The following PTPRG variants were observed in gnomAD, a reference collection of about 807,000 sequenced individuals.
PTPRG encodes protein tyrosine phosphatase receptor type G.
Under a neutral mutation model 165.3 loss-of-function variants are expected in PTPRG, and 102 were observed. That is an observed-to-expected ratio of 0.62 (90% CI 0.53 to 0.73). PTPRG has a LOEUF of 0.73. Among genes scored for constraint, PTPRG ranks in the 30% least tolerant of loss-of-function variants. PTPRG has a pLI of 0.00. For missense variants in PTPRG, 1,866 were observed against 1,861.4 expected, an observed-to-expected ratio of 1.00 and a Z score of -0.05; for synonymous variants, 675 against 669.5, an observed-to-expected ratio of 1.01 and a Z score of -0.13.
intron 5 of PTPRG, among the ~76,000 whole-genome samples, chr3:62,112,654 T>C (rs1419118948): frequency 6.6e-6 from 1 of 152,226 alleles, no homozygotes; most frequent in Non-Finnish European, 1.5e-5. Context: ...ACGAGTCCTA[T>C]CTGGGCATTA....
chr3:62,099,358 G>A (rs1388067958), intron 5 of PTPRG, among the ~76,000 whole-genome samples: 6 of 152,078 alleles, frequency 3.9e-5, no homozygotes, highest in African/African-American at 1.4e-4. Context: ...GGTATTTTAG[G>A]CCTGAAAATT....
chr3:62,203,099 A>G lies in PTPRG; in HGVS notation c.1378-74A>G, dbSNP rs951201262. 15 of 1,515,996 alleles carry G rather than the reference A, an allele frequency of 9.9e-6. No homozygotes were observed. Among genetic ancestry groups the G allele is most frequent in the Non-Finnish European group, 1.3e-5 (15 of 1,132,308 alleles). The allele number at this position is 1,515,996 out of a possible 1,614,324, so 93.9% of individuals were successfully genotyped here. On this transcript the variant is annotated intron_variant, in intron 11 of 29. Transcript: ENST00000474889. This position sits in a 1 kb window ranked among gnomAD's most constrained non-coding sequence, Gnocchi z 6.4. ...GGTGACAACCAGGGCCTCATTCCCA[A>G]TCTCAATTACTGATGCTTCTCTGCT...
chr3:62,017,976 C>T (rs922406468), intron 4 of PTPRG, among the ~76,000 whole-genome samples: 2 of 152,146 alleles, frequency 1.3e-5, no homozygotes, highest in African/African-American at 4.8e-5. Context: ...CATTTCTCTG[C>T]AGGTTTGTTC....
intron 2 of PTPRG, among the ~76,000 whole-genome samples, chr3:61,965,114 T>C (rs895181655): frequency 3.3e-5 from 5 of 151,906 alleles, no homozygotes; most frequent in African/African-American, 1.2e-4. Flanking sequence ...CGTGGTGGCA[T>C]GTACCTGTAA....
chr3:61,701,786 A>G (rs1225289708), intron 1 of PTPRG, among the ~76,000 whole-genome samples: 1 of 151,994 alleles, frequency 6.6e-6, no homozygotes, highest in Admixed American at 6.6e-5. Context: ...CATCTGAGCT[A>G]CTCAGGAAGC....
intron 2 of PTPRG, among the ~76,000 whole-genome samples, chr3:61,930,730 T>C (rs114287666): frequency 0.013 from 1,915 of 152,250 alleles, 50 homozygotes; most frequent in African/African-American, 0.044. Context: ...TATAGGTAAT[T>C]ATGCTGTCGA....
At chr3:61,997,466 T>C (rs1285844240) in intron 3 of PTPRG, among the ~76,000 whole-genome samples, 1 of 152,190 alleles carries the variant, frequency 6.6e-6, no homozygotes, top group Admixed American at 6.5e-5. Flanking sequence ...GGCTTTCTCT[T>C]ACTCGTTACC....
intron 2 of PTPRG, among the ~76,000 whole-genome samples, chr3:61,898,229 T>A (rs2107514984): frequency 6.6e-6 from 1 of 152,258 alleles, no homozygotes. Flanking sequence ...CTTTGGTAAT[T>A]CCTCTTAGTG....
chr3:61,655,974 G>A (rs1332547086), intron 1 of PTPRG, among the ~76,000 whole-genome samples: 2 of 152,028 alleles, frequency 1.3e-5, no homozygotes, highest in African/African-American at 2.4e-5. Flanking sequence ...GCCCTTTGTG[G>A]GAAGCTGAGG....
intron 1 of PTPRG, among the ~76,000 whole-genome samples, chr3:61,735,630 C>T (rs1431193626): frequency 6.6e-6 from 1 of 151,744 alleles, no homozygotes; most frequent in East Asian, 1.9e-4. Flanking sequence ...AGAAATGTTC[C>T]TACAGACTTG....
chr3:61,620,077 G>T (rs1701408578), intron 1 of PTPRG, among the ~76,000 whole-genome samples: 1 of 152,070 alleles, frequency 6.6e-6, no homozygotes, highest in East Asian at 1.9e-4. Context: ...AGAGACAAGG[G>T]AACTAGTATT....
chr3:61,878,914 T>C (rs2037813591), intron 2 of PTPRG, among the ~76,000 whole-genome samples: 1 of 152,226 alleles, frequency 6.6e-6, no homozygotes. Flanking sequence ...ATGGTTTTAC[T>C]AGTAAGGCGT....
intron 1 of PTPRG, among the ~76,000 whole-genome samples, chr3:61,564,600 G>C (rs1220246161): frequency 1.3e-5 from 2 of 152,240 alleles, no homozygotes; most frequent in African/African-American, 4.8e-5. Flanking sequence ...GGTTTGGTTT[G>C]GAAAAGTGCA....
intron 7 of PTPRG, among the ~76,000 whole-genome samples, chr3:62,162,628 G>A (rs1022900511): frequency 1.3e-5 from 2 of 152,174 alleles, no homozygotes; most frequent in Middle Eastern, 3.4e-3. Context: ...TATTCAGAGT[G>A]CAGAAGGATG....
At chr3:61,997,399 C>T (rs141867305) in intron 3 of PTPRG, among the ~76,000 whole-genome samples, 128 of 152,316 alleles carry the variant, frequency 8.4e-4, no homozygotes, top group Non-Finnish European at 1.6e-3. Context: ...TGCTCACTGT[C>T]CGTGCCTCAT....
chr3:62,165,736 T>C (rs1302536415), intron 7 of PTPRG, among the ~76,000 whole-genome samples: 1 of 152,172 alleles, frequency 6.6e-6, no homozygotes, highest in Non-Finnish European at 1.5e-5. Context: ...GCTGTGGAAT[T>C]GGAGGGGAGG....
intron 8 of PTPRG, among the ~76,000 whole-genome samples, chr3:62,175,843 GAGA>G (rs1331702348): frequency 2.0e-5 from 3 of 152,266 alleles, no homozygotes; most frequent in East Asian, 3.9e-4. Flanking sequence ...CAGAGATCTG[GAGA>G]AGAAGGTCAT....
rs539580017 is a variant in PTPRG at position 61,664,428 on chromosome 3, A to G, written c.86-84450A>G. 1.1e-4 allele frequency among the ~76,000 whole-genome samples: 17 copies of G among 152,344 alleles called. No homozygotes were observed. In the South Asian group the frequency reaches 2.1e-3, roughly 19 times the overall value. On this transcript the variant is annotated intron_variant, in intron 1 of 29. Transcript: ENST00000474889. ...GACAGAATTATTTCTTTCTGTCACT[A>G]AGATTGTTGCAGTAAAGTAACCTAG...
chr3:61,976,153 G>C (rs1219025514), intron 2 of PTPRG, among the ~76,000 whole-genome samples: 1 of 152,160 alleles, frequency 6.6e-6, no homozygotes, highest in Non-Finnish European at 1.5e-5. Flanking sequence ...AATATCTCTT[G>C]ATATTCTCAG....
Sources: allele counts gnomAD v4.1 joint callset (sites outside exome capture counted in the v4.1 genomes callset), GRCh38; gene constraint gnomAD v4.1.1; non-coding constraint Gnocchi (gnomAD v3.1); transcripts MANE v1.5; gene names NCBI Gene and HGNC (gene_info 2026-07-23, HGNC 2026-07-21).